LRP8: variants seen among roughly 807,000 people sequenced by gnomAD.
LRP8 encodes LDL receptor related protein 8, also known as low-density lipoprotein receptor-related protein 8.
LRP8 carries 46 observed loss-of-function variants against 111.6 expected under a neutral mutation model. The observed-to-expected ratio is 0.41, with a 90% CI of 0.33 to 0.53. The LOEUF (loss-of-function observed/expected upper bound fraction) is 0.53, where lower values mean the gene tolerates loss of function less well. Among genes scored for constraint, LRP8 ranks in the 20% least tolerant of loss-of-function variants. The probability of loss-of-function intolerance (pLI) is 0.20; values close to 1 mark genes in which losing one functional copy is unlikely to be tolerated. For synonymous variants in LRP8, 464 were observed against 511.2 expected (o/e 0.91, Z 1.24); for missense variants, 959 against 1,297.4 (o/e 0.74, Z 4.01).
chr1:53,271,606 C>T (rs893372671), intron 6 of LRP8, among the ~76,000 whole-genome samples: 36 of 152,104 alleles, frequency 2.4e-4, no homozygotes, highest in Non-Finnish European at 4.0e-4. Context: ...CCCGGCCTCC[C>T]GGCTGGGGCT....
At chr1:53,327,403 G>A (rs556236739) in intron 1 of LRP8, 72 of 260,800 alleles carry the variant, frequency 2.8e-4, no homozygotes, top group African/African-American at 1.6e-3. Flanking sequence ...GGGGTCTGCG[G>A]AAACGCATTG....
At chr1:53,321,258 GC>G (rs1410333593) in intron 2 of LRP8, among the ~76,000 whole-genome samples, 1 of 152,224 alleles carries the variant, frequency 6.6e-6, no homozygotes, top group African/African-American at 2.4e-5. Context: ...GTCTAGAAAG[GC>G]ATCTCTGGAG....
At position 53,306,880 on chromosome 1, in the gene LRP8, C is replaced by T. The variant is rs540406083; in HGVS notation, c.245-17191G>A. On this transcript the variant is annotated intron_variant, in intron 2 of 18. Coordinates refer to ENST00000306052, the MANE Select transcript of LRP8 (RefSeq NM_004631.5). Reference sequence around the variant, plus strand: ...TCACCTCACCTCATCTCCTGGTTTACGAAGCCCTTTGTATATGTCTCCTCA... The same window carrying T: ...TCACCTCACCTCATCTCCTGGTTTATGAAGCCCTTTGTATATGTCTCCTCA... Among the ~76,000 whole-genome samples the T allele has an allele frequency of 7.9e-5, 12 of 152,320 alleles. No homozygotes were observed. In the East Asian group the frequency reaches 1.3e-3, roughly 17 times the overall value.
intron 8 of LRP8, chr1:53,267,339 GC>G (rs1471316183): frequency 1.3e-5 from 2 of 152,204 alleles, no homozygotes; most frequent in African/African-American, 4.8e-5. Context: ...GGGCATGGTG[GC>G]ACATGCCTGT....
At chr1:53,327,725 C>T in intron 1 of LRP8, 64 bp downstream of exon 1, 1 of 1,388,600 alleles carries the variant, frequency 7.2e-7, no homozygotes, top group Non-Finnish European at 9.4e-7. Context: ...GCTCCGGCCT[C>T]CCGGCCGCGC....
chr1:53,245,648 A>G lies in LRP8; in HGVS notation c.*1370T>C, dbSNP rs2100326323. 6.5e-6 allele frequency: 1 copy of G among 152,708 alleles called. No individual in the cohort carries two copies. The highest frequency in any genetic ancestry group is 6.5e-5 in the Admixed American group (1 of 15,300). The allele number at this position is 152,708 out of a possible 1,614,324, so 9.5% of individuals were successfully genotyped here. A position where few individuals can be genotyped will look rare whatever the true frequency, so the allele number is the denominator to read the frequency against. ...ATTGCGTATGCCATTTCCCCCCTCA[A>G]ATATGACTTCAATTTTGGCCAGTTG... On this transcript the variant is annotated 3_prime_UTR_variant, in exon 19 of 19. Coordinates refer to ENST00000306052, the MANE Select transcript of LRP8 (RefSeq NM_004631.5).
intron 2 of LRP8, among the ~76,000 whole-genome samples, chr1:53,310,277 C>T (rs769259551): frequency 1.3e-5 from 2 of 151,974 alleles, no homozygotes; most frequent in African/African-American, 4.8e-5. Flanking sequence ...CCCCCTCCTG[C>T]CAAGCCCCCA....
chr1:53,268,744 C>T (rs948949365), intron 8 of LRP8: 8 of 152,322 alleles, frequency 5.3e-5, no homozygotes, highest in South Asian at 2.1e-4. Context: ...CAAGCCCATA[C>T]GTAGCAATCT....
At chr1:53,320,721 AG>A (rs1251089986) in intron 2 of LRP8, among the ~76,000 whole-genome samples, 1 of 152,192 alleles carries the variant, frequency 6.6e-6, no homozygotes, top group East Asian at 1.9e-4. Context: ...TCCAGAGAAC[AG>A]GGTCCCTCCC....
At chr1:53,301,240 T>C (rs1011319286) in intron 2 of LRP8, among the ~76,000 whole-genome samples, 2 of 152,146 alleles carry the variant, frequency 1.3e-5, no homozygotes, top group African/African-American at 4.8e-5. Context: ...AATTGTCTGA[T>C]TGGGATACTC....
chr1:53,315,986 C>T (rs1653742274), intron 2 of LRP8, among the ~76,000 whole-genome samples: 1 of 151,980 alleles, frequency 6.6e-6, no homozygotes, highest in Non-Finnish European at 1.5e-5. Context: ...GCAGAGAGAA[C>T]AGGGGCTCAA....
In LRP8 at chr1:53,264,219, G is replaced by A. The variant is rs752638753; in HGVS notation, c.1605C>T (p.Phe535=). The A allele has an allele frequency of 2.5e-6, 4 of 1,614,042 alleles. No individual in the cohort carries two copies. The highest frequency in any genetic ancestry group is 1.7e-5 in the Admixed American group (1 of 59,998). The change falls in exon 10 of 19, where the codon TTC becomes TTT. Residue 535 remains phenylalanine (F), a synonymous_variant. Transcript: ENST00000306052. The part of the protein sequence containing the change: ...TVDGGRRRTL[F]SRNLSEPRAI... ...CCCGGGGTTCACTGAGGTTACGGCTGAAGAGAGTGCGTCGGCGGCCACCAT... is the reference window on the plus strand; with the variant it reads ...CCCGGGGTTCACTGAGGTTACGGCTAAAGAGAGTGCGTCGGCGGCCACCAT...
rs1175390526 is a variant in LRP8, at chr1:53,276,716, C to A, written c.859G>T (p.Asp287Tyr). The change falls in exon 5 of 19, where the codon GAC becomes TAC. Residue 287 changes from aspartate to tyrosine, a missense_variant. By Grantham distance (160) the Asp-to-Tyr change is radical (BLOSUM62 -3). Transcript: ENST00000306052. ...CGGCAGTCGGCCTCGTCCGATTTGT[C>A]TTTGCAGTCGCGGTCGCCGTCGCAG... ...WRCDGDRDCK[D>Y]KSDEADCPLG... 1 of 1,536,668 alleles carries A rather than the reference C, an allele frequency of 6.5e-7. No individual in the cohort carries two copies.
At chr1:53,318,283 A>T (rs1314270924) in intron 2 of LRP8, among the ~76,000 whole-genome samples, 1 of 151,866 alleles carries the variant, frequency 6.6e-6, no homozygotes, top group Non-Finnish European at 1.5e-5. Context: ...TGGGGCCAGA[A>T]CACCGCTCGT....
chr1:53,265,607 A>G (rs1646522777), intron 9 of LRP8, among the ~76,000 whole-genome samples: 1 of 152,164 alleles, frequency 6.6e-6, no homozygotes, highest in Non-Finnish European at 1.5e-5. Flanking sequence ...TTGGACAGGC[A>G]TTGTTCTAGT....
chr1:53,280,755 G>A (rs1647081829), intron 3 of LRP8, 40 bp from the exon 4 acceptor site: 2 of 1,604,146 alleles, frequency 1.2e-6, no homozygotes, highest in African/African-American at 1.3e-5. Flanking sequence ...AGCCAAGGGG[G>A]ACACAGGGCA....
intron 8 of LRP8, chr1:53,267,677 A>G (rs1557773517): frequency 1.3e-5 from 2 of 152,234 alleles, no homozygotes; most frequent in Admixed American, 6.5e-5. Context: ...CTGCTCATGT[A>G]TACACAAAAC....
intron 3 of LRP8, among the ~76,000 whole-genome samples, chr1:53,287,295 C>T (rs1392594637): frequency 6.6e-6 from 1 of 152,244 alleles, no homozygotes; most frequent in Admixed American, 6.5e-5. Flanking sequence ...CTCTAGCCAA[C>T]TTCCTCCAGG....
At chr1:53,316,867 C>T (rs1653875632) in intron 2 of LRP8, among the ~76,000 whole-genome samples, 1 of 152,112 alleles carries the variant, frequency 6.6e-6, no homozygotes, top group Admixed American at 6.5e-5. Flanking sequence ...AGGGGGCAGG[C>T]CAGGAAGAGA....
Sources: allele counts gnomAD v4.1 joint callset (sites outside exome capture counted in the v4.1 genomes callset), GRCh38; gene constraint gnomAD v4.1.1; transcripts MANE v1.5; gene names NCBI Gene and HGNC (gene_info 2026-07-23, HGNC 2026-07-21).